Variants in WWP1 observed in about 807,000 individuals in gnomAD.
WWP1 encodes NEDD4-like E3 ubiquitin-protein ligase WWP1.
A neutral mutation model predicts 130.6 loss-of-function variants in WWP1; 49 were observed. The ratio of observed to expected loss-of-function variants is 0.38; its 90% CI spans 0.30 to 0.48. WWP1 has a LOEUF of 0.48. Ranked by LOEUF, WWP1 falls within the 20% of genes least tolerant of loss-of-function variation. The probability of loss-of-function intolerance (pLI) is 0.99; values close to 1 mark genes in which losing one functional copy is unlikely to be tolerated. For missense variants in WWP1, 809 were observed against 1,100.6 expected, an observed-to-expected ratio of 0.74 and a Z score of 3.75; for synonymous variants, 332 against 367.8, an observed-to-expected ratio of 0.90 and a Z score of 1.11.
intron 21 of WWP1, among the ~76,000 whole-genome samples, chr8:86,453,671 C>G (rs1811291713): frequency 6.6e-6 from 1 of 152,046 alleles, no homozygotes; most frequent in African/African-American, 2.4e-5. Flanking sequence ...TAGAAAGATT[C>G]CAGTTTCTCC....
chr8:86,353,737 C>G (rs1056951371), intron 1 of WWP1, among the ~76,000 whole-genome samples: 1 of 152,180 alleles, frequency 6.6e-6, no homozygotes, highest in African/African-American at 2.4e-5. Flanking sequence ...CCTGCCTTGG[C>G]CTTCCAGAGT....
At chr8:86,466,444 AGT>A (rs1197670698) in intron 24 of WWP1, among the ~76,000 whole-genome samples, 1 of 152,132 alleles carries the variant, frequency 6.6e-6, no homozygotes, top group African/African-American at 2.4e-5. Context: ...CTGATGAATG[AGT>A]GACTGAGTGG....
At chr8:86,416,314 G>A (rs573548484) in intron 9 of WWP1, among the ~76,000 whole-genome samples, 3 of 152,278 alleles carry the variant, frequency 2.0e-5, no homozygotes, top group South Asian at 4.2e-4. Flanking sequence ...TGAGCAAGAG[G>A]ACATACAGAA....
chr8:86,356,726 A>G (rs1823279406), intron 1 of WWP1, among the ~76,000 whole-genome samples: 2 of 152,158 alleles, frequency 1.3e-5, no homozygotes, highest in South Asian at 2.1e-4. Flanking sequence ...TTTCTTTCTA[A>G]TGTTTTCTAG....
chr8:86,431,376 A>T (rs1251394057), intron 12 of WWP1, 30 bp from the exon 13 acceptor site: 1 of 1,302,514 alleles, frequency 7.7e-7, no homozygotes, highest in East Asian at 2.6e-5. Context: ...CTAAATAGTT[A>T]TTAAATATTA....
At chr8:86,457,546 TACAC>T (rs548137889) in intron 21 of WWP1, among the ~76,000 whole-genome samples, 330 of 151,860 alleles carry the variant, frequency 2.2e-3, no homozygotes, top group Non-Finnish European at 3.8e-3. Flanking sequence ...ACATAATAGA[TACAC>T]ACACACATTT....
intron 1 of WWP1, among the ~76,000 whole-genome samples, chr8:86,346,704 CTGT>C (rs1822605097): frequency 6.6e-6 from 1 of 152,214 alleles, no homozygotes; most frequent in Admixed American, 6.5e-5. Context: ...ATTAGAAAGA[CTGT>C]TGTTTTTTAC....
chr8:86,455,503 A>T (rs1811384846), intron 21 of WWP1, among the ~76,000 whole-genome samples: 1 of 152,010 alleles, frequency 6.6e-6, no homozygotes, highest in African/African-American at 2.4e-5. Flanking sequence ...ATACTTTAAA[A>T]ATCAATCGTA....
At chr8:86,396,343 C>T (rs1220320116) in intron 5 of WWP1, among the ~76,000 whole-genome samples, 2 of 152,148 alleles carry the variant, frequency 1.3e-5, no homozygotes, top group Non-Finnish European at 2.9e-5. Flanking sequence ...TTGTGATCCG[C>T]CCGCCTCGGC....
At chr8:86,426,151 G>A (rs1193402485) in intron 10 of WWP1, among the ~76,000 whole-genome samples, 1 of 152,174 alleles carries the variant, frequency 6.6e-6, no homozygotes, top group East Asian at 1.9e-4. Context: ...TGGAAAACAT[G>A]GTGCCGATAT....
chr8:86,421,793 A>G (rs12155979), intron 9 of WWP1, among the ~76,000 whole-genome samples: 22,347 of 152,050 alleles, frequency 0.15, 1,793 homozygotes, highest in Non-Finnish European at 0.19. Flanking sequence ...ACTGCATTCC[A>G]GCCTGGGGGA....
intron 8 of WWP1, among the ~76,000 whole-genome samples, chr8:86,406,952 C>T (rs147058787): frequency 1.3e-5 from 2 of 152,200 alleles, no homozygotes; most frequent in East Asian, 1.9e-4. Flanking sequence ...AGGACAAATA[C>T]GTGGTGCTTT....
chr8:86,397,624 A>C (rs1427472042), intron 5 of WWP1, among the ~76,000 whole-genome samples: 1 of 152,200 alleles, frequency 6.6e-6, no homozygotes, highest in South Asian at 2.1e-4. Context: ...GACTATTAAT[A>C]TATAGTCTAA....
At chr8:86,366,614 C>G (rs1304564189) in intron 1 of WWP1, among the ~76,000 whole-genome samples, 1 of 152,076 alleles carries the variant, frequency 6.6e-6, no homozygotes, top group African/African-American at 2.4e-5. Context: ...AATGAAAAAT[C>G]TAACAGAATT....
At chr8:86,370,629 TGAA>T (rs1824231049) in intron 2 of WWP1, among the ~76,000 whole-genome samples, 1 of 152,136 alleles carries the variant, frequency 6.6e-6, no homozygotes, top group African/African-American at 2.4e-5. Flanking sequence ...TCAAAGGAAA[TGAA>T]TAACAAAAGA....
At chr8:86,461,464 G>A in intron 23 of WWP1, 144 bp downstream of exon 23, 2 of 724,768 alleles carry the variant, frequency 2.8e-6, no homozygotes, top group Non-Finnish European at 4.6e-6. Context: ...AAAATGAGTG[G>A]CTAATATCAA....
chr8:86,388,421 C>G (rs1825417383), intron 5 of WWP1, among the ~76,000 whole-genome samples: 1 of 152,076 alleles, frequency 6.6e-6, no homozygotes, highest in Admixed American at 6.6e-5. Context: ...TTGTAAGGAT[C>G]AATTCTGGAA....
At chr8:86,351,037 C>T (rs1172107199) in intron 1 of WWP1, among the ~76,000 whole-genome samples, 2 of 152,172 alleles carry the variant, frequency 1.3e-5, no homozygotes, top group African/African-American at 4.8e-5. Context: ...AGTTTAAAGT[C>T]AGGCAGACCT....
At chr8:86,400,033 A>T (rs753301969) in intron 7 of WWP1, among the ~76,000 whole-genome samples, 1 of 152,174 alleles carries the variant, frequency 6.6e-6, no homozygotes, top group Non-Finnish European at 1.5e-5. Context: ...TTCTGATGGG[A>T]TAAAGGTAGA....
Sources: allele counts gnomAD v4.1 joint callset (sites outside exome capture counted in the v4.1 genomes callset), GRCh38; gene constraint gnomAD v4.1.1; transcripts MANE v1.5; gene names NCBI Gene and HGNC (gene_info 2026-07-23, HGNC 2026-07-21).